SYN3: variants seen among roughly 807,000 people sequenced by gnomAD.
SYN3 encodes synapsin III.
In SYN3, 35 loss-of-function variants were observed where a neutral mutation model predicts 65.8. The ratio of observed to expected loss-of-function variants is 0.53; its 90% CI spans 0.41 to 0.70. The LOEUF (loss-of-function observed/expected upper bound fraction) is 0.70. Ranked by LOEUF, SYN3 falls within the 30% of genes least tolerant of loss-of-function variation. SYN3 has a pLI of 0.00. For synonymous variants in SYN3, 270 were observed against 292.9 expected (o/e 0.92, Z 0.80); for missense variants, 680 against 749.0 (o/e 0.91, Z 1.08).
intron 7 of SYN3, among the ~76,000 whole-genome samples, chr22:32,570,788 C>T (rs2058748952): frequency 6.6e-6 from 1 of 152,166 alleles, no homozygotes; most frequent in East Asian, 1.9e-4. Flanking sequence ...CCAACACTGG[C>T]TTCAAGCCTG....
rs71799111 is a variant in SYN3 at position 32,513,691 on chromosome 22, G to A, written c.*1C>T. 4.3e-5 allele frequency: 69 copies of A among 1,613,958 alleles called. No homozygotes were observed. Among genetic ancestry groups the A allele is most frequent in the African/African-American group, 1.1e-4 (8 of 74,928 alleles). The stretch of plus-strand genomic sequence containing the variant: ...CTCTTCCCCTCCCAGCCTGGATGGC[G>A]TTAGTCAGAGAACAGGCTGGCAAAA... On this transcript the variant is annotated 3_prime_UTR_variant, in exon 14 of 14. Coordinates refer to ENST00000358763, the MANE Select transcript of SYN3 (RefSeq NM_003490.4).
At chr22:32,967,780 G>A (rs114916850) in intron 3 of SYN3, among the ~76,000 whole-genome samples, 1,788 of 152,284 alleles carry the variant, frequency 0.012, 29 homozygotes, top group African/African-American at 0.041. Flanking sequence ...AAGCACATCC[G>A]GGCAGAGGCT....
intron 6 of SYN3, among the ~76,000 whole-genome samples, chr22:32,799,833 G>A (rs916400075): frequency 6.6e-6 from 1 of 152,188 alleles, no homozygotes; most frequent in Non-Finnish European, 1.5e-5. Context: ...GGGCTAAAAA[G>A]CAGTGTGGCT....
intron 5 of SYN3, among the ~76,000 whole-genome samples, chr22:32,865,407 T>C (rs1239009042): frequency 2.0e-5 from 3 of 152,174 alleles, no homozygotes; most frequent in African/African-American, 7.2e-5. Context: ...GGATCCAGCC[T>C]TCCTGGGTTC....
chr22:32,779,357 G>A (rs1252690277), intron 6 of SYN3, among the ~76,000 whole-genome samples: 1 of 152,220 alleles, frequency 6.6e-6, no homozygotes, highest in Non-Finnish European at 1.5e-5. Context: ...CTACTCAGGA[G>A]GCTGAGGCAG....
In SYN3 at chr22:32,724,498, C is replaced by T. The variant is rs143535651; in HGVS notation, c.712-127762G>A. On this transcript the variant is annotated intron_variant, in intron 6 of 13. Coordinates refer to ENST00000358763, the MANE Select transcript of SYN3 (RefSeq NM_003490.4). ...TTCTGTGCCTCAGTGTCTTCTTCTC[C>T]TTTTCCTGTTAATAAAATGAGGGAC... Among the ~76,000 whole-genome samples, 362 of 152,318 alleles carry T rather than the reference C, an allele frequency of 2.4e-3. 2 individuals carry two copies. The highest frequency in any genetic ancestry group is 6.8e-3 in the African/African-American group (281 of 41,578).
chr22:32,935,674 C>G (rs2146721106), intron 3 of SYN3, among the ~76,000 whole-genome samples: 1 of 152,302 alleles, frequency 6.6e-6, no homozygotes, highest in Non-Finnish European at 1.5e-5. Context: ...TGGTCTCAAA[C>G]TCCTGACCTC....
At chr22:32,786,369 T>C (rs1377598954) in intron 6 of SYN3, among the ~76,000 whole-genome samples, 1 of 151,914 alleles carries the variant, frequency 6.6e-6, no homozygotes, top group Non-Finnish European at 1.5e-5. Context: ...AGGAGCATCA[T>C]GTCTGCAACT....
At chr22:32,633,497 C>T (rs549921105) in intron 6 of SYN3, among the ~76,000 whole-genome samples, 2 of 152,242 alleles carry the variant, frequency 1.3e-5, no homozygotes, top group East Asian at 3.9e-4. Context: ...AAGGTTGGTC[C>T]TACGTGCGTA....
intron 6 of SYN3, among the ~76,000 whole-genome samples, chr22:32,603,764 C>T (rs577784331): frequency 6.6e-6 from 1 of 152,154 alleles, no homozygotes; most frequent in Non-Finnish European, 1.5e-5. Flanking sequence ...CCCTTCCCAA[C>T]AATAGCTTTA....
chr22:32,684,727 C>A (rs1401319848), intron 6 of SYN3, among the ~76,000 whole-genome samples: 1 of 152,204 alleles, frequency 6.6e-6, no homozygotes, highest in Non-Finnish European at 1.5e-5. Flanking sequence ...GTCACTGCTA[C>A]ACGTTCATGA....
At chr22:32,867,223 G>A (rs988079220) in intron 5 of SYN3, among the ~76,000 whole-genome samples, 10 of 152,148 alleles carry the variant, frequency 6.6e-5, no homozygotes, top group Admixed American at 3.9e-4. Flanking sequence ...CATACCCCAA[G>A]CCTCCACATT....
intron 1 of SYN3, among the ~76,000 whole-genome samples, chr22:33,054,200 A>AACTG (rs2054218324): frequency 6.6e-6 from 1 of 152,138 alleles, no homozygotes; most frequent in African/African-American, 2.4e-5. Context: ...AAGTGCTGAC[A>AACTG]ACTGCCATAT....
chr22:32,740,221 T>G (rs928714879), intron 6 of SYN3, among the ~76,000 whole-genome samples: 3 of 152,190 alleles, frequency 2.0e-5, no homozygotes, highest in Non-Finnish European at 2.9e-5. Flanking sequence ...TGCTTGTTCA[T>G]TCACTAGATA....
intron 6 of SYN3, among the ~76,000 whole-genome samples, chr22:32,826,167 G>A (rs989371767): frequency 6.6e-6 from 1 of 152,102 alleles, no homozygotes; most frequent in Non-Finnish European, 1.5e-5. Context: ...GGTGGCTCAC[G>A]CCTGTAATTC....
At chr22:32,569,400 A>AATCAATCT (rs1555898524) in intron 7 of SYN3, among the ~76,000 whole-genome samples, 9 of 143,970 alleles carry the variant, frequency 6.3e-5, no homozygotes, top group African/African-American at 2.4e-4. Flanking sequence ...CTCCATCCAA[A>AATCAATCT]ATCTATCTAT....
At chr22:32,968,614 G>T (rs956874898) in intron 3 of SYN3, among the ~76,000 whole-genome samples, 4 of 152,106 alleles carry the variant, frequency 2.6e-5, no homozygotes, top group African/African-American at 4.8e-5. Context: ...CTGGTCATTT[G>T]CCCTGTACGT....
chr22:32,564,157 C>T (rs1430022226), intron 7 of SYN3, among the ~76,000 whole-genome samples: 1 of 152,180 alleles, frequency 6.6e-6, no homozygotes, highest in Non-Finnish European at 1.5e-5. Context: ...GCAACGCATG[C>T]CTGAGCTGGG....
intron 6 of SYN3, among the ~76,000 whole-genome samples, chr22:32,697,935 G>C (rs1427064088): frequency 6.6e-6 from 1 of 152,150 alleles, no homozygotes; most frequent in Non-Finnish European, 1.5e-5. Flanking sequence ...GAGCAAGAGA[G>C]ATGCACGGAG....
Sources: allele counts gnomAD v4.1 joint callset (sites outside exome capture counted in the v4.1 genomes callset), GRCh38; gene constraint gnomAD v4.1.1; transcripts MANE v1.5; gene names NCBI Gene and HGNC (gene_info 2026-07-23, HGNC 2026-07-21).